WSB2: variants seen among roughly 807,000 people sequenced by gnomAD.
The protein encoded by WSB2 is WD repeat and SOCS box-containing protein 2.
In WSB2, 12 loss-of-function variants were observed where a neutral mutation model predicts 48.8. The ratio of observed to expected loss-of-function variants is 0.25; its 90% confidence interval spans 0.16 to 0.40. The LOEUF is 0.40. Among genes scored for constraint, WSB2 ranks in the 10% least tolerant of loss-of-function variants. The probability of loss-of-function intolerance (pLI) is 1.00; values close to 1 mark genes in which losing one functional copy is unlikely to be tolerated. For synonymous variants in WSB2, 191 were observed against 203.1 expected, an observed-to-expected ratio of 0.94 and a Z score of 0.51; for missense variants, 317 against 506.2, an observed-to-expected ratio of 0.63 and a Z score of 3.59.
At chr12:118,059,685 G>T (rs11068799) in intron 1 of WSB2, among the ~76,000 whole-genome samples, 12,988 of 152,090 alleles carry the variant, frequency 0.085, 1,054 homozygotes, top group East Asian at 0.41. Context: ...CTTTCAGATT[G>T]AACTGTAAGG....
At chr12:118,054,680 A>AT (rs2031921061) in intron 1 of WSB2, among the ~76,000 whole-genome samples, 4 of 130,420 alleles carry the variant, frequency 3.1e-5, no homozygotes, top group African/African-American at 1.2e-4. Context: ...TCTGTCTCAA[A>AT]AAATAATAAT....
chr12:118,033,643 A>G lies in WSB2; in HGVS notation c.*553T>C, dbSNP rs1422541980. The stretch of plus-strand genomic sequence containing the variant: ...TTTAGTTAAGCTAAATTAATACCTC[A>G]TACCAAATGGCTCCAGGAAAACTGT... On this transcript the variant is annotated 3_prime_UTR_variant, in exon 9 of 9. Coordinates refer to ENST00000315436, the MANE Select transcript of WSB2 (RefSeq NM_018639.5). The G allele has an allele frequency of 6.6e-6, 1 of 152,300 alleles. No individual in the cohort carries two copies. Among genetic ancestry groups the G allele is most frequent in the Non-Finnish European group, 1.5e-5 (1 of 68,228 alleles). 9.4% of individuals were successfully genotyped at this position (152,300 alleles called of 1,614,324 possible). A position where few individuals can be genotyped will look rare whatever the true frequency, so the allele number is the denominator to read the frequency against.
chr12:118,036,566 A>G (rs537138145), intron 5 of WSB2, 56 bp from the exon 6 acceptor site: 1 of 1,526,266 alleles, frequency 6.6e-7, no homozygotes, highest in African/African-American at 1.4e-5. Flanking sequence ...TAGGACTCAA[A>G]CGGAGGGAGG....
chr12:118,052,460 G>T lies in WSB2; in HGVS notation c.32C>A (p.Ala11Asp), dbSNP rs1037592255. 1 of 1,614,032 alleles carries T rather than the reference G, an allele frequency of 6.2e-7. No individual in the cohort carries two copies. Residue 11 changes from alanine to aspartate, a missense_variant, in exon 2 of 9, where the codon GCC becomes GAC. By Grantham distance (126) the Ala-to-Asp change is moderately radical (BLOSUM62 -2). Transcript: ENST00000315436. ...GTGGGGGCGCCCGGGCTTGAGTTCG[G>T]CCAGCAGCAGCGGTTCCTCTGGGGC... MEAGEEPLLL[A>D]ELKPGRPHQF... is the part of the protein sequence containing the mutation.
chr12:118,044,493 T>C (rs939101079), intron 2 of WSB2, among the ~76,000 whole-genome samples: 1 of 152,190 alleles, frequency 6.6e-6, no homozygotes, highest in African/African-American at 2.4e-5. Flanking sequence ...TCACTCACGA[T>C]GTTGCAACTG....
At chr12:118,054,217 C>CAAAAAA (rs61421772) in intron 1 of WSB2, among the ~76,000 whole-genome samples, 24 of 56,064 alleles carry the variant, frequency 4.3e-4, no homozygotes, top group African/African-American at 6.3e-4. Context: ...ACTAAAAATC[C>CAAAAAA]AAAAAAAAAA....
At chr12:118,034,581 C>CT in intron 8 of WSB2, 1 of 531,716 alleles carries the variant, frequency 1.9e-6, no homozygotes, top group Non-Finnish European at 3.2e-6. Flanking sequence ...AGCGCTCTCT[C>CT]TGTCTCTCTC....
chr12:118,050,652 AT>A (rs763687449), intron 2 of WSB2, among the ~76,000 whole-genome samples: 2 of 152,202 alleles, frequency 1.3e-5, no homozygotes, highest in African/African-American at 2.4e-5. Context: ...CTCAAAAAAA[AT>A]AAATGAATAA....
At chr12:118,048,886 G>A (rs191306993) in intron 2 of WSB2, among the ~76,000 whole-genome samples, 18 of 152,082 alleles carry the variant, frequency 1.2e-4, no homozygotes, top group Admixed American at 9.2e-4. Flanking sequence ...TTCCCCAACC[G>A]ACACATGCTC....
At chr12:118,057,282 C>CT (rs956521270) in intron 1 of WSB2, among the ~76,000 whole-genome samples, 44 of 148,992 alleles carry the variant, frequency 3.0e-4, no homozygotes, top group East Asian at 2.3e-3. Context: ...TTGTTTTCTC[C>CT]TTTTTTTTTT....
At chr12:118,043,003 C>T (rs746670897) in intron 3 of WSB2, 31 bp from the exon 4 acceptor site, 1 of 1,613,940 alleles carries the variant, frequency 6.2e-7, no homozygotes, top group South Asian at 1.1e-5. Context: ...CTGAGTCAGC[C>T]AGAGAGGGGG....
intron 2 of WSB2, among the ~76,000 whole-genome samples, chr12:118,048,249 A>G (rs1227490874): frequency 6.6e-6 from 1 of 151,780 alleles, no homozygotes; most frequent in African/African-American, 2.4e-5. Flanking sequence ...TTTTTTTTCA[A>G]TAAGCCTCAT....
chr12:118,060,983 A>G lies in WSB2; in HGVS notation c.13+53T>C. On this transcript the variant is annotated intron_variant, in intron 1 of 8. Transcript: ENST00000315436. This position sits in a 1 kb window ranked among gnomAD's most constrained non-coding sequence, Gnocchi z 4.1. ...GGGGTCGCCTCCCCCCTCCCCGGGG[A>G]GAACGGGCCAGGGCCCCGCCGGGCG... The G allele has an allele frequency of 4.1e-6, 2 of 483,004 alleles. No individual in the cohort carries two copies. Among genetic ancestry groups the G allele is most frequent in the Non-Finnish European group, 5.3e-6 (2 of 377,930 alleles). The allele number at this position is 483,004 out of a possible 1,614,324, so 29.9% of individuals were successfully genotyped here.
chr12:118,059,793 C>T (rs976258086), intron 1 of WSB2, among the ~76,000 whole-genome samples: 1 of 152,200 alleles, frequency 6.6e-6, no homozygotes, highest in African/African-American at 2.4e-5. Context: ...GTAACACTCA[C>T]TGAAAAGAAA....
In WSB2 at chr12:118,052,428, C is replaced by G; in HGVS notation, c.64G>C (p.Asp22His). Reference protein sequence around the residue: ...ELKPGRPHQFDWKSSCETWSV... With the variant: ...ELKPGRPHQFHWKSSCETWSV... ...CAGGTTTCACAGCTGGACTTCCAAT[C>G]AAACTGGTGGGGGCGCCCGGGCTTG... is the stretch of plus-strand genomic sequence containing the variant. Residue 22 changes from aspartate (D) to histidine (H), a missense_variant, in exon 2 of 9, where the codon GAT becomes CAT. Physicochemically the swap from Asp to His is moderately conservative, Grantham distance 81. This residue lies in a region of WSB2 where 128 missense variants were observed against 156.7 expected (regional missense o/e 0.82). Transcript: ENST00000315436. 6.2e-7 allele frequency: 1 copy of G among 1,614,170 alleles called. No homozygotes were observed. Among genetic ancestry groups the G allele is most frequent in the Non-Finnish European group, 8.5e-7 (1 of 1,180,028 alleles).
rs553676523 is a variant in WSB2, at chr12:118,057,865, C to A, written c.13+3171G>T. ...AATCTCCCACCCAGATTCAAGTGAT[C>A]CTCCCGCCTCAGCCTCCTGTGTATC... On this transcript the variant is annotated intron_variant, in intron 1 of 8. Coordinates refer to ENST00000315436, the MANE Select transcript of WSB2 (RefSeq NM_018639.5). Among the ~76,000 whole-genome samples the A allele has an allele frequency of 1.5e-4, 22 of 150,062 alleles. No homozygotes were observed. The South Asian group carries it at 4.7e-3, about 32-fold the overall frequency.
chr12:118,042,804 T>C (rs756843136), intron 4 of WSB2, 37 bp downstream of exon 4: 42 of 1,602,298 alleles, frequency 2.6e-5, no homozygotes, highest in Non-Finnish European at 3.3e-5. Context: ...AATACAGTAT[T>C]TTTGGAGTTG....
Position 118,036,581 on chromosome 12 carries a change from G to A in WSB2, c.661-71C>T, listed in dbSNP as rs1481941114. 5.4e-6 allele frequency: 8 copies of A among 1,485,374 alleles called. No homozygotes were observed. In the East Asian group the frequency reaches 9.2e-5, roughly 17 times the overall value. 92.0% of individuals were successfully genotyped at this position (1,485,374 alleles called of 1,614,324 possible). On this transcript the variant is annotated intron_variant, in intron 5 of 8. Coordinates refer to ENST00000315436, the MANE Select transcript of WSB2 (RefSeq NM_018639.5). ...TAGGACTCAAACGGAGGGAGGGAAA[G>A]GTACCACCACCAAATCTGCAGGCCC...
At position 118,060,639 on chromosome 12, in the gene WSB2, T is replaced by G. The variant is rs1348871718; in HGVS notation, c.13+397A>C. Among the ~76,000 whole-genome samples the G allele has an allele frequency of 1.3e-5, 2 of 151,876 alleles. No homozygotes were observed. The highest frequency in any genetic ancestry group is 4.8e-5 in the African/African-American group (2 of 41,370). The stretch of plus-strand genomic sequence containing the variant: ...TTGTGAGGGACAGAGGTGACTCCCA[T>G]CCAGACATGCAAGTGCGTCCCCTGG... On this transcript the variant is annotated intron_variant, in intron 1 of 8. Coordinates refer to ENST00000315436, the MANE Select transcript of WSB2 (RefSeq NM_018639.5). This position sits in a 1 kb window ranked among gnomAD's most constrained non-coding sequence, Gnocchi z 4.1.
Sources: allele counts gnomAD v4.1 joint callset (sites outside exome capture counted in the v4.1 genomes callset), GRCh38; gene constraint gnomAD v4.1.1; regional missense constraint gnomAD v4.1.1; non-coding constraint Gnocchi (gnomAD v3.1); transcripts MANE v1.5; gene names NCBI Gene and HGNC (gene_info 2026-07-23, HGNC 2026-07-21).